Variants in CDH13 observed in about 807,000 individuals in gnomAD.
The protein encoded by CDH13 is cadherin-13.
CDH13 carries 24 observed loss-of-function variants against 63.8 expected under a neutral mutation model. The ratio of observed to expected loss-of-function variants is 0.38; its 90% CI spans 0.27 to 0.53. The LOEUF (loss-of-function observed/expected upper bound fraction) is 0.53. CDH13 is among the 20% of genes least tolerant of loss of function. The probability of loss-of-function intolerance (pLI) is 0.85; values close to 1 mark genes in which losing one functional copy is unlikely to be tolerated. For synonymous variants in CDH13, 503 were observed against 355.3 expected, an observed-to-expected ratio of 1.42 and a Z score of -4.67; for missense variants, 1,049 against 903.1, an observed-to-expected ratio of 1.16 and a Z score of -2.07.
intron 1 of CDH13, among the ~76,000 whole-genome samples, chr16:82,738,667 T>A (rs573640739): frequency 6.6e-6 from 1 of 152,386 alleles, no homozygotes; most frequent in East Asian, 1.9e-4. Context: ...ATCTACCATT[T>A]CCTTTTCCTA....
At chr16:82,769,503 C>T (rs1363298173) in intron 1 of CDH13, among the ~76,000 whole-genome samples, 1 of 152,082 alleles carries the variant, frequency 6.6e-6, no homozygotes, top group East Asian at 1.9e-4. Context: ...TTATGGAGGC[C>T]ACGTTGAACC....
chr16:83,697,630 C>T (rs568023853), intron 10 of CDH13, among the ~76,000 whole-genome samples: 76 of 152,292 alleles, frequency 5.0e-4, no homozygotes, highest in African/African-American at 1.7e-3. Context: ...CTTGAGGAAA[C>T]CTAACCGTGT....
At chr16:83,216,198 A>G (rs1211558802) in intron 4 of CDH13, among the ~76,000 whole-genome samples, 1 of 151,584 alleles carries the variant, frequency 6.6e-6, no homozygotes, top group African/African-American at 2.4e-5. Flanking sequence ...GACAATTTGT[A>G]GGAAAATTCC....
intron 4 of CDH13, among the ~76,000 whole-genome samples, chr16:83,131,702 A>G (rs936291025): frequency 1.1e-4 from 17 of 152,212 alleles, no homozygotes; most frequent in African/African-American, 2.4e-4. Flanking sequence ...TGAAATGCTT[A>G]TTAGAGATTC....
chr16:83,478,851 A>G (rs2073682542), intron 6 of CDH13, among the ~76,000 whole-genome samples: 1 of 150,810 alleles, frequency 6.6e-6, no homozygotes, highest in Non-Finnish European at 1.5e-5. Flanking sequence ...AAAAAAAAAA[A>G]AAGAAAAAAA....
At chr16:83,778,680 ATGAT>A (rs1396547844) in intron 11 of CDH13, among the ~76,000 whole-genome samples, 4 of 152,212 alleles carry the variant, frequency 2.6e-5, no homozygotes, top group African/African-American at 9.7e-5. Flanking sequence ...AGATTATATG[ATGAT>A]TGCTTCTATG....
At chr16:83,154,825 A>G (rs72800228) in intron 4 of CDH13, among the ~76,000 whole-genome samples, 76 of 152,330 alleles carry the variant, frequency 5.0e-4, no homozygotes, top group Non-Finnish European at 9.7e-4. Context: ...AAGACCTGCA[A>G]GTAAATGTTA....
intron 5 of CDH13, among the ~76,000 whole-genome samples, chr16:83,261,445 G>T (rs1319225258): frequency 6.6e-6 from 1 of 152,172 alleles, no homozygotes; most frequent in African/African-American, 2.4e-5. Context: ...CATCTGGTAG[G>T]TAAGAACATA....
intron 10 of CDH13, among the ~76,000 whole-genome samples, chr16:83,693,873 C>T (rs1229095760): frequency 6.6e-6 from 1 of 152,162 alleles, no homozygotes; most frequent in Non-Finnish European, 1.5e-5. Flanking sequence ...CAAATAACAC[C>T]ATGAGTTGTA....
chr16:83,315,674 A>C (rs2194343), intron 5 of CDH13, among the ~76,000 whole-genome samples: 1 of 151,794 alleles, frequency 6.6e-6, no homozygotes. Flanking sequence ...AAAATTTTTA[A>C]TTTTTTTAGT....
chr16:83,118,889 G>C (rs1016332599), intron 3 of CDH13, among the ~76,000 whole-genome samples: 5 of 152,084 alleles, frequency 3.3e-5, no homozygotes, highest in African/African-American at 9.7e-5. Flanking sequence ...CATTCATTCT[G>C]TGTTTCTTTC....
At chr16:82,740,082 A>T (rs1224976316) in intron 1 of CDH13, among the ~76,000 whole-genome samples, 1 of 152,170 alleles carries the variant, frequency 6.6e-6, no homozygotes, top group Non-Finnish European at 1.5e-5. Context: ...CCTGATTTTA[A>T]AACCTCCGTG....
At chr16:83,548,774 C>T (rs2075435601) in intron 7 of CDH13, among the ~76,000 whole-genome samples, 1 of 152,102 alleles carries the variant, frequency 6.6e-6, no homozygotes. Context: ...ACCCTTGATT[C>T]TCACCTTCCA....
intron 1 of CDH13, among the ~76,000 whole-genome samples, chr16:82,653,397 C>T (rs1910952181): frequency 6.6e-6 from 1 of 152,158 alleles, no homozygotes; most frequent in African/African-American, 2.4e-5. Context: ...GAGAGACCAG[C>T]CCAACTTTGG....
At chr16:82,685,319 C>T (rs1914954182) in intron 1 of CDH13, among the ~76,000 whole-genome samples, 1 of 152,194 alleles carries the variant, frequency 6.6e-6, no homozygotes, top group Non-Finnish European at 1.5e-5. Flanking sequence ...TGCCATCTAG[C>T]CGTGTCCTCA....
intron 4 of CDH13, among the ~76,000 whole-genome samples, chr16:83,153,109 G>A (rs1466498534): frequency 3.9e-5 from 6 of 152,172 alleles, no homozygotes; most frequent in Non-Finnish European, 5.9e-5. Context: ...CAGCTGTGTG[G>A]GAGACTGGAG....
At chr16:83,763,122 T>G (rs1437506215) in intron 11 of CDH13, among the ~76,000 whole-genome samples, 2 of 152,204 alleles carry the variant, frequency 1.3e-5, no homozygotes, top group African/African-American at 4.8e-5. Context: ...ACAAGCCAAA[T>G]TACCACTAAA....
At position 82,768,862 on chromosome 16, in the gene CDH13, G is replaced by GGC. The variant is rs571642288; in HGVS notation, c.46-89499_46-89498dup. Among the ~76,000 whole-genome samples, 221 of 152,288 alleles carry GGC rather than the reference G, an allele frequency of 1.5e-3. 1 individual carries two copies. Among genetic ancestry groups the GGC allele is most frequent in the African/African-American group, 5.0e-3 (206 of 41,568 alleles). ...GATCAGAAGCAATTCTGTGTCCGCA[G>GGC]GCTCCCTTTCACACCTTTAATATTT... On this transcript the variant is annotated intron_variant, in intron 1 of 13. Coordinates refer to ENST00000567109, the MANE Select transcript of CDH13 (RefSeq NM_001257.5).
At chr16:82,850,907 C>T (rs901062152) in intron 1 of CDH13, among the ~76,000 whole-genome samples, 8 of 152,180 alleles carry the variant, frequency 5.3e-5, no homozygotes, top group Non-Finnish European at 1.0e-4. Context: ...CTATTGCATA[C>T]TTAATAGGCT....
Sources: allele counts gnomAD v4.1 joint callset (sites outside exome capture counted in the v4.1 genomes callset), GRCh38; gene constraint gnomAD v4.1.1; transcripts MANE v1.5; gene names NCBI Gene and HGNC (gene_info 2026-07-23, HGNC 2026-07-21).